Variants in TDRD12 observed in about 807,000 individuals in gnomAD.
The protein encoded by TDRD12 is putative ATP-dependent RNA helicase TDRD12.
A neutral mutation model predicts 133.5 loss-of-function variants in TDRD12; 158 were observed. The observed-to-expected ratio is 1.18, with a 90% confidence interval of 1.04 to 1.35. TDRD12 has a LOEUF of 1.35. Ranked by LOEUF, TDRD12 falls within the 40% of genes most tolerant of loss-of-function variation. The probability of loss-of-function intolerance (pLI) is 0.00; values close to 1 mark genes in which losing one functional copy is unlikely to be tolerated. For synonymous variants in TDRD12, 460 were observed against 477.9 expected (o/e 0.96, Z 0.49); for missense variants, 1,443 against 1,321.3 (o/e 1.09, Z -1.43).
chr19:32,766,771 C>T (rs558284293), intron 8 of TDRD12, among the ~76,000 whole-genome samples: 171 of 151,744 alleles, frequency 1.1e-3, no homozygotes, highest in African/African-American at 3.8e-3. Flanking sequence ...TGCACCACCA[C>T]GCCCGGCTAG....
chr19:32,726,083 A>ATT (rs767630780), intron 1 of TDRD12, among the ~76,000 whole-genome samples: 1 of 144,558 alleles, frequency 6.9e-6, no homozygotes, highest in Admixed American at 7.0e-5. Flanking sequence ...TACATTCATA[A>ATT]TTTTTTTTTT....
At position 32,756,042 on chromosome 19, in the gene TDRD12, AC is replaced by A. The variant is rs1969981427; in HGVS notation, c.635del (p.Pro212LeufsTer10). 2 of 1,477,280 alleles carry A rather than the reference AC, an allele frequency of 1.4e-6. No individual in the cohort carries two copies. The highest frequency in any genetic ancestry group is 3.2e-5 in the Admixed American group (1 of 31,598). The allele number at this position is 1,477,280 out of a possible 1,614,324, so 91.5% of individuals were successfully genotyped here. Reference sequence around the variant, plus strand: ...CAAAGAACTATGCTTGTTATATGTCACCTACAAAGAATAAAAACCTTGATTA... The same window carrying A: ...CAAAGAACTATGCTTGTTATATGTCACTACAAAGAATAAAAACCTTGATTA... On this transcript the variant is annotated frameshift_variant, in exon 7 of 28. Transcript: ENST00000444215. LOFTEE classifies it high-confidence loss of function.
chr19:32,741,749 C>T (rs77942838), intron 3 of TDRD12, among the ~76,000 whole-genome samples: 1 of 152,168 alleles, frequency 6.6e-6, no homozygotes, highest in East Asian at 1.9e-4. Flanking sequence ...GGAAATAGTA[C>T]GTGGAAGTGG....
chr19:32,765,830 G>A (rs1970282108), intron 8 of TDRD12, among the ~76,000 whole-genome samples: 1 of 150,570 alleles, frequency 6.6e-6, no homozygotes. Context: ...CATGGCACAT[G>A]TATACATATG....
chr19:32,737,677 G>A (rs1442015794), intron 2 of TDRD12, among the ~76,000 whole-genome samples: 9 of 152,076 alleles, frequency 5.9e-5, no homozygotes, highest in African/African-American at 2.2e-4. Context: ...CTACAGGCAC[G>A]TACCACCATG....
chr19:32,745,026 G>C (rs1568454583), intron 4 of TDRD12, among the ~76,000 whole-genome samples: 2 of 152,310 alleles, frequency 1.3e-5, no homozygotes, highest in East Asian at 3.9e-4. Context: ...GTGAGGATAA[G>C]TCCCTGCTGA....
chr19:32,761,320 C>T (rs995047446), intron 8 of TDRD12, among the ~76,000 whole-genome samples: 68 of 152,112 alleles, frequency 4.5e-4, no homozygotes, highest in South Asian at 1.0e-3. Context: ...TTAGTAGAGA[C>T]GGGGTTTCAC....
At chr19:32,826,446 G>A (rs1967592219) in exon 9 of TDRD12, 1 of 1,247,960 alleles carries the variant, frequency 8.0e-7, no homozygotes, top group African/African-American at 1.5e-5. Flanking sequence ...TAAACCCAGT[G>A]CTTGGGTGGG....
intron 16 of TDRD12, among the ~76,000 whole-genome samples, chr19:32,799,923 A>T (rs1971338120): frequency 6.6e-6 from 1 of 151,648 alleles, no homozygotes; most frequent in African/African-American, 2.4e-5. Context: ...TTTAGTAGAG[A>T]TGGGGTTTCA....
intron 6 of TDRD12, among the ~76,000 whole-genome samples, chr19:32,754,918 G>A (rs559181956): frequency 1.3e-5 from 2 of 152,254 alleles, no homozygotes; most frequent in East Asian, 3.9e-4. Context: ...AGAAGGCAGG[G>A]AGGTTCGTGC....
chr19:32,824,195 GAC>G (rs1329575526), downstream of TDRD12: 2 of 152,672 alleles, frequency 1.3e-5, no homozygotes, highest in African/African-American at 4.8e-5. Context: ...CTGGTATTTG[GAC>G]AGTCAGTGTC....
intron 3 of TDRD12, among the ~76,000 whole-genome samples, chr19:32,741,823 G>A (rs567941511): frequency 6.6e-6 from 1 of 152,270 alleles, no homozygotes; most frequent in South Asian, 2.1e-4. Context: ...CAAGGCAGGA[G>A]GATCGCTTGA....
chr19:32,774,296 A>C (rs1210518781), intron 10 of TDRD12, among the ~76,000 whole-genome samples: 1 of 152,188 alleles, frequency 6.6e-6, no homozygotes, highest in African/African-American at 2.4e-5. Flanking sequence ...TTCTAGAGAG[A>C]GTTAACTAAC....
chr19:32,828,942 C>A (rs1967672247), exon 10 of TDRD12: 1 of 152,248 alleles, frequency 6.6e-6, no homozygotes, highest in Admixed American at 6.5e-5. Flanking sequence ...ACTGCTATGG[C>A]CTTCGCAGGG....
intron 2 of TDRD12, 32 bp from the exon 3 acceptor site, chr19:32,738,824 T>C: frequency 6.5e-7 from 1 of 1,544,594 alleles, no homozygotes; most frequent in South Asian, 1.2e-5. Context: ...AAAAAATAAA[T>C]AAATAAAAAT....
chr19:32,743,875 A>T (rs770090967), intron 4 of TDRD12, among the ~76,000 whole-genome samples: 2 of 151,778 alleles, frequency 1.3e-5, no homozygotes, highest in Non-Finnish European at 2.9e-5. Context: ...CTAAAAATAC[A>T]AAATTAGCCT....
At chr19:32,741,480 G>T (rs978310180) in intron 3 of TDRD12, among the ~76,000 whole-genome samples, 2 of 152,254 alleles carry the variant, frequency 1.3e-5, no homozygotes, top group African/African-American at 4.8e-5. Context: ...ATTCGAGCTT[G>T]TGATCCTGCA....
intron 11 of TDRD12, among the ~76,000 whole-genome samples, chr19:32,778,367 T>TA (rs1599573418): frequency 6.6e-6 from 1 of 152,176 alleles, no homozygotes; most frequent in African/African-American, 2.4e-5. Flanking sequence ...TCAGCCCTAA[T>TA]ACCCAAAGGT....
intron 14 of TDRD12, among the ~76,000 whole-genome samples, chr19:32,795,839 TGGAGCA>T (rs577468117): frequency 1.3e-4 from 20 of 152,078 alleles, no homozygotes; most frequent in African/African-American, 2.7e-4. Context: ...GACACATGGC[TGGAGCA>T]GGAGCAGGAG....
Sources: gnomAD v4.1 joint callset for allele counts (sites outside exome capture counted in the v4.1 genomes callset) on GRCh38, gnomAD v4.1.1 for gene constraint, MANE v1.5 for transcripts, NCBI Gene and HGNC (gene_info 2026-07-23, HGNC 2026-07-21) for gene names.